The following FNTB variants were observed in gnomAD, a reference collection of about 807,000 sequenced individuals.
FNTB encodes farnesyltransferase, CAAX box, subunit beta, also known as protein farnesyltransferase subunit beta.
In FNTB, 27 loss-of-function variants were observed where a neutral mutation model predicts 59.4. The ratio of observed to expected loss-of-function variants is 0.45; its 90% confidence interval spans 0.34 to 0.63. FNTB has a LOEUF of 0.63. FNTB is among the 20% of genes least tolerant of loss of function. The probability of loss-of-function intolerance (pLI) is 0.02; values close to 1 mark genes in which losing one functional copy is unlikely to be tolerated. For synonymous variants in FNTB, 230 were observed against 220.7 expected (o/e 1.04, Z -0.37); for missense variants, 449 against 559.6 (o/e 0.80, Z 1.99).
rs2062512149 is a variant in FNTB at position 65,047,603 on chromosome 14, G to A, written c.955+3160G>A. ...TAAGTCATTTTTTGGAGGGCAGTTTGGAGACATCCATTTAAATTATAAGGG... is the reference window on the plus strand; with the variant it reads ...TAAGTCATTTTTTGGAGGGCAGTTTAGAGACATCCATTTAAATTATAAGGG... On this transcript the variant is annotated intron_variant, in intron 9 of 11. Coordinates refer to ENST00000246166, the MANE Select transcript of FNTB (RefSeq NM_002028.4). This position sits in a 1 kb window ranked among gnomAD's most constrained non-coding sequence, Gnocchi z 5.2. 6.6e-6 allele frequency among the ~76,000 whole-genome samples: 1 copy of A among 152,138 alleles called. No homozygotes were observed. The highest frequency in any genetic ancestry group is 6.5e-5 in the Admixed American group (1 of 15,272).
At chr14:65,041,047 A>G in intron 8 of FNTB, 128 bp downstream of exon 8, 1 of 1,432,550 alleles carries the variant, frequency 7.0e-7, no homozygotes, top group Non-Finnish European at 9.3e-7. Context: ...GTTCCAACAC[A>G]GAGGAAGGAG....
intron 1 of FNTB, among the ~76,000 whole-genome samples, chr14:64,993,299 T>C (rs752678958): frequency 6.6e-6 from 1 of 152,202 alleles, no homozygotes; most frequent in Non-Finnish European, 1.5e-5. Context: ...AATAAAAAGC[T>C]GGCCTTACAA....
Position 65,032,875 on chromosome 14 carries a change from C to T in FNTB, c.692+179C>T, listed in dbSNP as rs543594016. On this transcript the variant is annotated intron_variant, in intron 7 of 11. Transcript: ENST00000246166. The surrounding 1 kb of genome is among the most constrained non-coding windows in gnomAD (Gnocchi z 5.0). ...AAATGTCTTCTTTTTTCCAAACTTT[C>T]TTTAATGTTATATTATATTTTAGAT... Among the ~76,000 whole-genome samples the T allele has an allele frequency of 1.4e-3, 211 of 152,112 alleles. No individual in the cohort carries two copies. The highest frequency in any genetic ancestry group is 2.6e-3 in the Non-Finnish European group (179 of 67,996).
intron 7 of FNTB, among the ~76,000 whole-genome samples, chr14:65,038,862 C>T (rs1302935709): frequency 6.6e-6 from 1 of 151,946 alleles, no homozygotes; most frequent in Non-Finnish European, 1.5e-5. Flanking sequence ...TTTTAGTTTT[C>T]CTCCCTGACT....
chr14:65,043,828 C>CAAA (rs749243788), intron 8 of FNTB, among the ~76,000 whole-genome samples: 992 of 64,232 alleles, frequency 0.015, 72 homozygotes, highest in Middle Eastern at 0.045. Flanking sequence ...GACTCCGTCT[C>CAAA]AAAAAAAAAA....
At chr14:64,987,293 A>G (rs1242266388) in intron 1 of FNTB, 196 bp downstream of exon 1, 22 of 631,988 alleles carry the variant, frequency 3.5e-5, no homozygotes, top group Non-Finnish European at 5.7e-5. Flanking sequence ...CAGCTTGGGG[A>G]AGGGTCGTTT....
chr14:65,045,026 C>T (rs913236844), intron 9 of FNTB, among the ~76,000 whole-genome samples: 1 of 152,116 alleles, frequency 6.6e-6, no homozygotes, highest in Non-Finnish European at 1.5e-5. Flanking sequence ...GAGTTTGTTC[C>T]ACCTGCACCA....
chr14:65,043,754 G>A (rs1293008459), intron 8 of FNTB, among the ~76,000 whole-genome samples: 6 of 146,132 alleles, frequency 4.1e-5, no homozygotes, highest in Middle Eastern at 3.5e-3. Context: ...CCCGGGAAGC[G>A]GAGCTTGCAG....
Position 65,031,827 on chromosome 14 carries a change from A to G in FNTB, c.606-783A>G, listed in dbSNP as rs1241977301. 6.6e-6 allele frequency among the ~76,000 whole-genome samples: 1 copy of G among 152,126 alleles called. No homozygotes were observed. Among genetic ancestry groups the G allele is most frequent in the African/African-American group, 2.4e-5 (1 of 41,458 alleles). ...TCCCAGCTACTTGGGAGGCTGATAC[A>G]GGAGAATTGCTTGAACCCAGGAGGC... is the stretch of plus-strand genomic sequence containing the variant. On this transcript the variant is annotated intron_variant, in intron 6 of 11. Coordinates refer to ENST00000246166, the MANE Select transcript of FNTB (RefSeq NM_002028.4). This position sits in a 1 kb window ranked among gnomAD's most constrained non-coding sequence, Gnocchi z 4.6.
Position 65,012,195 on chromosome 14 carries a change from CAG to C in FNTB, c.210-121_210-120del. ...CCAGAGAAGTTGCTGGTTATCCAGT[CAG>C]TGATTGCAGGGGGACGTCCTGAAGC... On this transcript the variant is annotated intron_variant, in intron 2 of 11. Coordinates refer to ENST00000246166, the MANE Select transcript of FNTB (RefSeq NM_002028.4). This position sits in a 1 kb window ranked among gnomAD's most constrained non-coding sequence, Gnocchi z 5.0. 1 of 1,186,222 alleles carries C rather than the reference CAG, an allele frequency of 8.4e-7. No individual in the cohort carries two copies. Among genetic ancestry groups the C allele is most frequent in the Non-Finnish European group, 1.2e-6 (1 of 824,328 alleles). 73.5% of individuals were successfully genotyped at this position (1,186,222 alleles called of 1,614,324 possible). A position where few individuals can be genotyped will look rare whatever the true frequency, so the allele number is the denominator to read the frequency against.
At chr14:64,992,977 T>C (rs948814464) in intron 1 of FNTB, among the ~76,000 whole-genome samples, 2 of 152,204 alleles carry the variant, frequency 1.3e-5, no homozygotes, top group Non-Finnish European at 2.9e-5. Flanking sequence ...CTGGAACTAC[T>C]GGCGTGCGCT....
intron 9 of FNTB, among the ~76,000 whole-genome samples, chr14:65,048,283 A>C (rs1022481005): frequency 2.6e-5 from 4 of 151,942 alleles, no homozygotes; most frequent in African/African-American, 9.7e-5. Context: ...ATACCTGGCC[A>C]ACTTTTTAGA....
At chr14:64,987,870 C>T (rs1171827938) in intron 1 of FNTB, among the ~76,000 whole-genome samples, 2 of 152,046 alleles carry the variant, frequency 1.3e-5, no homozygotes, top group Non-Finnish European at 2.9e-5. Flanking sequence ...CTTCTTATTC[C>T]CTAATTGGAA....
chr14:65,027,684 T>G lies in FNTB; in HGVS notation c.522-14T>G. 1 of 1,614,194 alleles carries G rather than the reference T, an allele frequency of 6.2e-7. No homozygotes were observed. Among genetic ancestry groups the G allele is most frequent in the Non-Finnish European group, 8.5e-7 (1 of 1,180,016 alleles). On this transcript the variant is annotated splice_polypyrimidine_tract_variant and intron_variant, in intron 5 of 11. Transcript: ENST00000246166. The surrounding 1 kb of genome is among the most constrained non-coding windows in gnomAD (Gnocchi z 5.7). ...CTGACTGTTGCCTCTCCTACCTCTT[T>G]CCCTGTTTCTCAGAGAGAAGCTTCT...
At chr14:65,016,297 C>T (rs955144330) in intron 4 of FNTB, among the ~76,000 whole-genome samples, 1 of 152,174 alleles carries the variant, frequency 6.6e-6, no homozygotes, top group African/African-American at 2.4e-5. Context: ...AGATGGCATT[C>T]GTGATCTGGC....
chr14:65,053,319 C>A lies in FNTB; in HGVS notation c.1037C>A (p.Pro346His). Reference protein sequence around the residue: ...QEYILMCCQCPAGGLLDKPGK... With the variant: ...QEYILMCCQCHAGGLLDKPGK... ...TACATCCTGATGTGCTGCCAGTGCCCTGCGGGGGGGCTTCTGGATAAACCT... is the reference window on the plus strand; with the variant it reads ...TACATCCTGATGTGCTGCCAGTGCCATGCGGGGGGGCTTCTGGATAAACCT... Residue 346 changes from proline (P) to histidine (H), a missense_variant, in exon 10 of 12, where the codon CCT becomes CAT. Pro to His is a moderately conservative substitution (Grantham distance 77, BLOSUM62 -2). Around this residue, in one of 2 missense-constraint regions of FNTB, gnomAD observed 337 missense variants for 479.1 expected, o/e 0.70. Transcript: ENST00000246166. 1 of 1,443,794 alleles carries A rather than the reference C, an allele frequency of 6.9e-7. No individual in the cohort carries two copies. Among genetic ancestry groups the A allele is most frequent in the Non-Finnish European group, 9.2e-7 (1 of 1,091,808 alleles). 89.4% of individuals were successfully genotyped at this position (1,443,794 alleles called of 1,614,324 possible).
At chr14:65,056,282 A>C (rs1370305311) in intron 11 of FNTB, among the ~76,000 whole-genome samples, 1 of 152,162 alleles carries the variant, frequency 6.6e-6, no homozygotes, top group Non-Finnish European at 1.5e-5. Context: ...CCCTTATATA[A>C]ATGTACCCCA....
At chr14:65,043,551 G>A (rs535640029) in intron 8 of FNTB, among the ~76,000 whole-genome samples, 2 of 152,132 alleles carry the variant, frequency 1.3e-5, no homozygotes, top group East Asian at 1.9e-4. Flanking sequence ...GGCCGGGCAC[G>A]GTGGCTCACG....
chr14:64,998,317 T>C (rs2139465580), intron 1 of FNTB, among the ~76,000 whole-genome samples: 1 of 152,336 alleles, frequency 6.6e-6, no homozygotes, highest in East Asian at 1.9e-4. Flanking sequence ...GAATAGTGTA[T>C]TGCAGTGGGA....
Sources: allele counts gnomAD v4.1 joint callset (sites outside exome capture counted in the v4.1 genomes callset), GRCh38; gene constraint gnomAD v4.1.1; regional missense constraint gnomAD v4.1.1; non-coding constraint Gnocchi (gnomAD v3.1); transcripts MANE v1.5; gene names NCBI Gene and HGNC (gene_info 2026-07-23, HGNC 2026-07-21).